TSC2: variants seen among roughly 807,000 people sequenced by gnomAD.
The protein encoded by TSC2 is TSC complex subunit 2.
TSC2 carries 29 observed loss-of-function variants against 202.2 expected under a neutral mutation model. The ratio of observed to expected loss-of-function variants is 0.14; its 90% CI spans 0.11 to 0.20. The LOEUF is 0.20. TSC2 is among the 10% of genes least tolerant of loss of function. The pLI, the probability that TSC2 is intolerant of heterozygous loss-of-function variation, is 1.00. For missense variants in TSC2, 2,429 were observed against 2,420.0 expected (o/e 1.00, Z -0.08); for synonymous variants, 1,349 against 1,044.0 (o/e 1.29, Z -5.63).
intron 15 of TSC2, 83 bp from the exon 16 acceptor site, chr16:2,065,436 A>AAT: frequency 1.1e-5 from 8 of 726,036 alleles, no homozygotes; most frequent in South Asian, 3.0e-5. Flanking sequence ...AAAAAAAAAA[A>AAT]GGTGTTTGTG....
intron 36 of TSC2, 39 bp from the exon 37 acceptor site, chr16:2,086,154 C>A (rs371450375): frequency 1.2e-6 from 2 of 1,610,974 alleles, no homozygotes; most frequent in African/African-American, 1.3e-5. Flanking sequence ...GGGCCCGGCC[C>A]GGGAGTGATG....
At chr16:2,050,581 C>T (rs570546976) in intron 3 of TSC2, 95 bp downstream of exon 3, 23 of 953,054 alleles carry the variant, frequency 2.4e-5, no homozygotes, top group South Asian at 8.3e-5. Context: ...AGCTGACTGC[C>T]GATGATCTGG....
intron 16 of TSC2, 125 bp from the exon 17 acceptor site, chr16:2,070,331 G>C: frequency 6.5e-7 from 1 of 1,531,934 alleles, no homozygotes; most frequent in Admixed American, 1.8e-5. Context: ...TGGGTTTGAA[G>C]GTCGTGTGTT....
intron 15 of TSC2, chr16:2,064,987 AC>A (rs2087122904): frequency 5.1e-6 from 1 of 194,720 alleles, no homozygotes; most frequent in African/African-American, 2.4e-5. Context: ...GGTGGCGGGC[AC>A]CTGCAATCCC....
Position 2,054,358 on chromosome 16 carries a change from C to A in TSC2, c.399C>A (p.Asn133Lys), listed in dbSNP as rs746704620. 3 of 1,614,072 alleles carry A rather than the reference C, an allele frequency of 1.9e-6. No individual in the cohort carries two copies. The highest frequency in any genetic ancestry group is 1.1e-5 in the South Asian group (1 of 91,088). The change falls in exon 5 of 42, where the codon AAC becomes AAA. Residue 133 changes from asparagine to lysine, a missense_variant. Physicochemically the swap from Asn to Lys is moderately conservative, Grantham distance 94. Coordinates refer to ENST00000219476, the MANE Select transcript of TSC2 (RefSeq NM_000548.5). ...AGGTCATCAAGGATTACCCTTCCAA[C>A]GAAGACCTTCACGAAAGGCTGGAGG... ...FFKVIKDYPSNEDLHERLEVF... is the reference protein window; with the variant it reads ...FFKVIKDYPSKEDLHERLEVF...
chr16:2,074,106 T>C (rs2088894584), intron 21 of TSC2, 94 bp from the exon 22 acceptor site: 3 of 1,531,942 alleles, frequency 2.0e-6, no homozygotes, highest in African/African-American at 2.7e-5. Flanking sequence ...AAGCCTCGGC[T>C]GTTCTCCCGG....
Position 2,082,438 on chromosome 16 carries a change from G to A in TSC2, c.3817G>A (p.Ala1273Thr), listed in dbSNP as rs1596404280. 1.2e-6 allele frequency: 2 copies of A among 1,612,538 alleles called. No individual in the cohort carries two copies. The highest frequency in any genetic ancestry group is 2.7e-5 in the African/African-American group (2 of 75,066). Residue 1273 changes from alanine (A) to threonine (T), a missense_variant and splice_region_variant, in exon 32 of 42, where the codon GCC becomes ACC. Physicochemically the swap from Ala to Thr is moderately conservative, Grantham distance 58. Coordinates refer to ENST00000219476, the MANE Select transcript of TSC2 (RefSeq NM_000548.5). ...PPPLPRSNTVASFSSLYQSSC... is the reference protein window; with the variant it reads ...PPPLPRSNTVTSFSSLYQSSC... ...CCGCACACGGCCTTCCCTTGCAGTG[G>A]CCTCTTTCTCCTCCCTGTACCAGTC...
At position 2,060,753 on chromosome 16, in the gene TSC2, C is replaced by T. The variant is rs796053472; in HGVS notation, c.1059C>T (p.Leu353=). The change falls in exon 11 of 42, where the codon CTC becomes CTT. Residue 353 remains leucine (L), a synonymous_variant. Coordinates refer to ENST00000219476, the MANE Select transcript of TSC2 (RefSeq NM_000548.5). ...TRLIKKYRKE[L]QVVAWDILLN... is the part of the protein sequence containing the mutation. ...TCATCAAGAAGTATAGGAAGGAGCTCCAGGTGGTGGCGTGGGACATTCTGC... is the reference window on the plus strand; with the variant it reads ...TCATCAAGAAGTATAGGAAGGAGCTTCAGGTGGTGGCGTGGGACATTCTGC... The T allele has an allele frequency of 3.1e-6, 5 of 1,613,968 alleles. No homozygotes were observed. In the African/African-American group the frequency reaches 6.7e-5, roughly 22 times the overall value.
intron 4 of TSC2, chr16:2,053,762 GTGT>G (rs749354974): frequency 6.7e-5 from 38 of 564,918 alleles, no homozygotes; most frequent in Non-Finnish European, 1.2e-4. Context: ...TGGGGCTACG[GTGT>G]TGTTTTGCCC....
chr16:2,067,043 C>T (rs2087483666), intron 16 of TSC2, among the ~76,000 whole-genome samples: 1 of 152,134 alleles, frequency 6.6e-6, no homozygotes. Context: ...ATGTATGAAT[C>T]AGTTTGCTCA....
intron 9 of TSC2, among the ~76,000 whole-genome samples, chr16:2,057,388 C>A (rs537234670): frequency 6.0e-4 from 92 of 152,314 alleles, no homozygotes; most frequent in African/African-American, 1.9e-3. Context: ...ATATCCACAC[C>A]CAGCTCAGTG....
In TSC2 at chr16:2,081,631, T is replaced by C; in HGVS notation, c.3647T>C (p.Leu1216Pro). 3.7e-6 allele frequency: 6 copies of C among 1,612,874 alleles called. No homozygotes were observed. Among genetic ancestry groups the C allele is most frequent in the Non-Finnish European group, 5.1e-6 (6 of 1,180,002 alleles). ...TSWLMSLENP[L>P]SPFSSDINNM... is the part of the protein sequence containing the mutation. ...TGGCTGATGAGCCTGGAGAACCCGC[T>C]CAGCCCTTTCTCCTCGGACATCAAC... The change falls in exon 31 of 42, where the codon CTC becomes CCC. Residue 1216 changes from leucine (L) to proline (P), a missense_variant. Physicochemically the swap from Leu to Pro is moderately conservative, Grantham distance 98. Transcript: ENST00000219476.
chr16:2,051,979 C>T (rs993869917), intron 3 of TSC2, among the ~76,000 whole-genome samples: 3 of 152,070 alleles, frequency 2.0e-5, no homozygotes, highest in Admixed American at 6.5e-5. Flanking sequence ...GGAGGAGAAT[C>T]GCTTAAACTC....
intron 26 of TSC2, among the ~76,000 whole-genome samples, 190 bp downstream of exon 26, chr16:2,077,916 G>A (rs1276886355): frequency 6.6e-6 from 1 of 152,198 alleles, no homozygotes; most frequent in Admixed American, 6.5e-5. Context: ...AGCACGGGCT[G>A]GTTGCACGCA....
Position 2,085,017 on chromosome 16 carries a change from G to T in TSC2, c.4560G>T (p.Leu1520=), listed in dbSNP as rs1596423200. The change falls in exon 35 of 42, where the codon CTG becomes CTT. Residue 1520 remains leucine (L), a synonymous_variant. Transcript: ENST00000219476. The part of the protein sequence containing the change: ...FGDESNKPIL[L]PNESQSFERS... ...ACGAGTCAAACAAGCCAATCCTGCT[G>T]CCCAATGAGGTAGGCGTGGCCTCCC... 6.2e-7 allele frequency: 1 copy of T among 1,613,370 alleles called. No homozygotes were observed. Among genetic ancestry groups the T allele is most frequent in the Non-Finnish European group, 8.5e-7 (1 of 1,179,984 alleles).
chr16:2,088,762 G>A lies in TSC2; in HGVS notation c.*152G>A. The A allele has an allele frequency of 9.0e-7, 1 of 1,113,546 alleles. No individual in the cohort carries two copies. Among genetic ancestry groups the A allele is most frequent in the Non-Finnish European group, 1.3e-6 (1 of 794,630 alleles). The allele number at this position is 1,113,546 out of a possible 1,614,324, so 69.0% of individuals were successfully genotyped here. On this transcript the variant is annotated 3_prime_UTR_variant, in exon 42 of 42. Coordinates refer to ENST00000219476, the MANE Select transcript of TSC2 (RefSeq NM_000548.5). The stretch of plus-strand genomic sequence containing the variant: ...TGTCTGCTTGGTGCGGGGGTTGGGG[G>A]GGTGTCGAGGCTCTAGAAGCGGCCA...
chr16:2,076,293 T>C, intron 24 of TSC2, 123 bp downstream of exon 24: 1 of 1,563,872 alleles, frequency 6.4e-7, no homozygotes, highest in Non-Finnish European at 8.6e-7. Flanking sequence ...TTTGGGGCTG[T>C]GCCTGTGGCG....
chr16:2,071,392 A>T (rs1436598717), intron 17 of TSC2, 118 bp from the exon 18 acceptor site: 2 of 954,552 alleles, frequency 2.1e-6, no homozygotes, highest in South Asian at 1.4e-5. Context: ...TGTGCACATC[A>T]GCAGGTGGCC....
chr16:2,082,767 G>A, intron 32 of TSC2: 1 of 577,366 alleles, frequency 1.7e-6, no homozygotes, highest in Non-Finnish European at 3.1e-6. Context: ...GAGGGGTGGG[G>A]GTGGCCTGAG....
Sources: gnomAD v4.1 joint callset for allele counts (sites outside exome capture counted in the v4.1 genomes callset) on GRCh38, gnomAD v4.1.1 for gene constraint, MANE v1.5 for transcripts, NCBI Gene and HGNC (gene_info 2026-07-23, HGNC 2026-07-21) for gene names.